Variants in NEO1 observed in about 807,000 individuals in gnomAD.
NEO1 encodes the protein neogenin 1.
Under a neutral mutation model 159.7 loss-of-function variants are expected in NEO1, and 63 were observed. The ratio of observed to expected loss-of-function variants is 0.39; its 90% CI spans 0.32 to 0.49. The LOEUF (loss-of-function observed/expected upper bound fraction) is 0.49, where lower values mean the gene tolerates loss of function less well. Among genes scored for constraint, NEO1 ranks in the 20% least tolerant of loss-of-function variants. NEO1 has a pLI of 0.85. For missense variants in NEO1, 1,615 were observed against 1,831.0 expected (o/e 0.88, Z 2.15); for synonymous variants, 633 against 662.0 (o/e 0.96, Z 0.67).
intron 7 of NEO1, among the ~76,000 whole-genome samples, chr15:73,224,673 T>G (rs747841347): frequency 2.9e-4 from 44 of 152,202 alleles, no homozygotes; most frequent in Non-Finnish European, 5.7e-4. Flanking sequence ...TGTTTTTTCT[T>G]TATGCTATCT....
chr15:73,283,205 C>A, intron 23 of NEO1, 94 bp downstream of exon 23: 1 of 1,312,848 alleles, frequency 7.6e-7, no homozygotes, highest in Non-Finnish European at 1.1e-6. Context: ...AAAGTTAAGA[C>A]ATAAAAATAC....
chr15:73,062,214 A>G (rs946817862), intron 1 of NEO1, among the ~76,000 whole-genome samples: 7 of 152,104 alleles, frequency 4.6e-5, no homozygotes, highest in African/African-American at 1.2e-4. Flanking sequence ...TGCCAATTTG[A>G]TAGAAGAAAA....
intron 7 of NEO1, among the ~76,000 whole-genome samples, chr15:73,231,559 C>T (rs1269243239): frequency 6.6e-6 from 1 of 152,054 alleles, no homozygotes; most frequent in Non-Finnish European, 1.5e-5. Flanking sequence ...ATGGTGAAAC[C>T]CCATCTCTAC....
chr15:73,080,206 A>G (rs2068970269), intron 1 of NEO1, among the ~76,000 whole-genome samples: 1 of 152,194 alleles, frequency 6.6e-6, no homozygotes, highest in African/African-American at 2.4e-5. Context: ...TCTTGTTGCC[A>G]TTAGACAGTT....
intron 12 of NEO1, 40 bp from the exon 13 acceptor site, chr15:73,254,642 G>A (rs1390813526): frequency 3.9e-6 from 6 of 1,532,564 alleles, no homozygotes; most frequent in Non-Finnish European, 3.5e-6. Flanking sequence ...CCAAGCTTTT[G>A]ATATATTCAG....
intron 1 of NEO1, among the ~76,000 whole-genome samples, chr15:73,082,108 A>G (rs1357929643): frequency 6.6e-6 from 1 of 151,724 alleles, no homozygotes. Flanking sequence ...TCCTGACCTC[A>G]GGTGATCTGC....
rs189997987 is a variant in NEO1, at chr15:73,187,680, A to G, written c.1291+9253A>G. Among the ~76,000 whole-genome samples the G allele has an allele frequency of 2.4e-3, 363 of 152,304 alleles. 3 individuals are homozygous for G. Among genetic ancestry groups the G allele is most frequent in the African/African-American group, 7.5e-3 (311 of 41,572 alleles). On this transcript the variant is annotated intron_variant, in intron 7 of 28. Transcript: ENST00000261908. ...AAATATGTGTAGCTGTGTTCCTGTA[A>G]AACTTTATATACAAAAGCAGGAAGT...
At chr15:73,115,353 A>G (rs1276878382) in intron 1 of NEO1, among the ~76,000 whole-genome samples, 1 of 152,178 alleles carries the variant, frequency 6.6e-6, no homozygotes, top group Non-Finnish European at 1.5e-5. Flanking sequence ...CTCTTTTCTA[A>G]TACCTGCTTG....
At chr15:73,231,723 G>T (rs953420756) in intron 7 of NEO1, among the ~76,000 whole-genome samples, 2 of 152,280 alleles carry the variant, frequency 1.3e-5, no homozygotes, top group South Asian at 4.1e-4. Flanking sequence ...CCCTGAATAT[G>T]CAGGCATCCA....
In NEO1 at chr15:73,249,564, G is replaced by A. The variant is rs751500932; in HGVS notation, c.1756-19G>A. On this transcript the variant is annotated intron_variant, in intron 10 of 28. Transcript: ENST00000261908. Reference sequence around the variant, plus strand: ...TTTGGCTTGAGTGCATATGTATAAAGTGTTTTATTTTATTCAAGGATGTTG... The same window carrying A: ...TTTGGCTTGAGTGCATATGTATAAAATGTTTTATTTTATTCAAGGATGTTG... 1.1e-5 allele frequency: 17 copies of A among 1,583,716 alleles called. No homozygotes were observed. The highest frequency in any genetic ancestry group is 1.4e-5 in the Non-Finnish European group (16 of 1,169,600).
intron 8 of NEO1, among the ~76,000 whole-genome samples, chr15:73,237,316 G>C (rs190867490): frequency 1.3e-5 from 2 of 152,262 alleles, no homozygotes; most frequent in Admixed American, 6.5e-5. Context: ...GGTAATATGT[G>C]ATATTTTACT....
chr15:73,246,980 A>G (rs117735424), intron 9 of NEO1, among the ~76,000 whole-genome samples: 260 of 152,328 alleles, frequency 1.7e-3, no homozygotes, highest in Non-Finnish European at 6.0e-4. Context: ...GTCCACAAGG[A>G]GCTTACGGTC....
At chr15:73,263,190 C>CTT (rs33959030) in intron 15 of NEO1, among the ~76,000 whole-genome samples, 59 of 124,154 alleles carry the variant, frequency 4.8e-4, no homozygotes, top group South Asian at 7.7e-4. Flanking sequence ...TCATAGTTGA[C>CTT]TTTTTTTTTT....
chr15:73,074,087 C>A (rs1878324396), intron 1 of NEO1, among the ~76,000 whole-genome samples: 1 of 152,202 alleles, frequency 6.6e-6, no homozygotes, highest in Non-Finnish European at 1.5e-5. Context: ...CTGCAGCCTA[C>A]TAAGCTTTTT....
Position 73,138,363 on chromosome 15 carries a change from T to C in NEO1, c.1015+2336T>C, listed in dbSNP as rs572964526. Among the ~76,000 whole-genome samples, 16 of 152,264 alleles carry C rather than the reference T, an allele frequency of 1.1e-4. No individual in the cohort carries two copies. The East Asian group carries it at 2.9e-3, about 27-fold the overall frequency. On this transcript the variant is annotated intron_variant, in intron 5 of 28. Coordinates refer to ENST00000261908, the MANE Select transcript of NEO1 (RefSeq NM_002499.4). ...ACATAATAAAAATTATCACACAAGA[T>C]CTCTGAAGGTTTGCTGCACAAAGAT...
Position 73,304,657 on chromosome 15 carries a change from C to G in NEO1, c.*1961C>G, listed in dbSNP as rs2151203336. On this transcript the variant is annotated 3_prime_UTR_variant, in exon 29 of 29. Transcript: ENST00000261908. ...TAAACTGATCCTGAAGAGAGCTGTCCCAGCACTCTGGCCACCAGGAGGGCC... is the reference window on the plus strand; with the variant it reads ...TAAACTGATCCTGAAGAGAGCTGTCGCAGCACTCTGGCCACCAGGAGGGCC... The G allele has an allele frequency of 6.6e-6, 1 of 152,220 alleles. No individual in the cohort carries two copies. Among genetic ancestry groups the G allele is most frequent in the Admixed American group, 6.5e-5 (1 of 15,294 alleles). 9.4% of individuals were successfully genotyped at this position (152,220 alleles called of 1,614,324 possible).
In NEO1 at chr15:73,244,452, C is replaced by T. The variant is rs2039650843; in HGVS notation, c.1560C>T (p.Gly520=). The T allele has an allele frequency of 1.2e-6, 2 of 1,613,844 alleles. No individual in the cohort carries two copies. The highest frequency in any genetic ancestry group is 1.7e-6 in the Non-Finnish European group (2 of 1,179,936). ...GAGTTATGGCTCAAAATAAGCATGG[C>T]TCAGGAGAGAGTTCAGCTCCACTGC... ...IFRVMAQNKH[G]SGESSAPLRV... is the part of the protein sequence containing the mutation. Residue 520 remains glycine (G), a synonymous_variant, in exon 9 of 29, where the codon GGC becomes GGT. Coordinates refer to ENST00000261908, the MANE Select transcript of NEO1 (RefSeq NM_002499.4).
rs887864524 is a variant in NEO1 at position 73,142,345 on chromosome 15, G to T, written c.1015+6318G>T. 7.9e-5 allele frequency among the ~76,000 whole-genome samples: 12 copies of T among 152,296 alleles called. No individual in the cohort carries two copies. In the East Asian group the frequency reaches 2.3e-3, roughly 29 times the overall value. ...TCATTTGCTTAACATTCAAGGATTTGTCATGATAGCTGGGCTTTCATTGGG... is the reference window on the plus strand; with the variant it reads ...TCATTTGCTTAACATTCAAGGATTTTTCATGATAGCTGGGCTTTCATTGGG... On this transcript the variant is annotated intron_variant, in intron 5 of 28. Coordinates refer to ENST00000261908, the MANE Select transcript of NEO1 (RefSeq NM_002499.4).
At chr15:73,106,626 A>G (rs972647295) in intron 1 of NEO1, among the ~76,000 whole-genome samples, 2 of 152,136 alleles carry the variant, frequency 1.3e-5, no homozygotes, top group African/African-American at 4.8e-5. Context: ...GGTGGTTACA[A>G]TCTTGGGCAC....
Sources: gnomAD v4.1 joint callset for allele counts (sites outside exome capture counted in the v4.1 genomes callset) on GRCh38, gnomAD v4.1.1 for gene constraint, MANE v1.5 for transcripts, NCBI Gene and HGNC (gene_info 2026-07-23, HGNC 2026-07-21) for gene names.